GTF2H5: variants seen among roughly 807,000 people sequenced by gnomAD.
GTF2H5 encodes the protein TFB5 ortholog.
In GTF2H5, 5 loss-of-function variants were observed where a neutral mutation model predicts 7.1. The ratio of observed to expected loss-of-function variants is 0.71; its 90% CI spans 0.37 to 1.49. The LOEUF (loss-of-function observed/expected upper bound fraction) is 1.49, where lower values mean the gene tolerates loss of function less well. Ranked by LOEUF, GTF2H5 falls within the 40% of genes most tolerant of loss-of-function variation. The pLI, the probability that GTF2H5 is intolerant of heterozygous loss-of-function variation, is 0.03. For synonymous variants in GTF2H5, 30 were observed against 31.7 expected, an observed-to-expected ratio of 0.95 and a Z score of 0.18; for missense variants, 80 against 83.0, an observed-to-expected ratio of 0.96 and a Z score of 0.14.
chr6:158,199,168 GC>G lies in GTF2H5; in HGVS notation c.*7012del, dbSNP rs1777156439. ...CTGCTCCCAACATGATTTAATCTTG[GC>G]TACTGAGCTTTTGGTTACGTTGCAC... On this transcript the variant is annotated 3_prime_UTR_variant, in exon 3 of 3. Coordinates refer to ENST00000607778, the MANE Select transcript of GTF2H5 (RefSeq NM_207118.3). 1 of 151,666 alleles carries G rather than the reference GC, an allele frequency of 6.6e-6. No homozygotes were observed. Among genetic ancestry groups the G allele is most frequent in the South Asian group, 2.1e-4 (1 of 4,808 alleles). The allele number at this position is 151,666 out of a possible 1,614,324, so 9.4% of individuals were successfully genotyped here. A position where few individuals can be genotyped will look rare whatever the true frequency, so the allele number is the denominator to read the frequency against.
intron 2 of GTF2H5, among the ~76,000 whole-genome samples, chr6:158,183,665 G>A (rs6919700): frequency 0.39 from 59,525 of 152,066 alleles, 11,818 homozygotes; most frequent in Middle Eastern, 0.49. Flanking sequence ...CAGACGCTGC[G>A]CTAGCAGCAA....
At position 158,170,458 on chromosome 6, in the gene GTF2H5, T is replaced by G. The variant is rs369872941; in HGVS notation, c.-34-12T>G. 68 of 1,496,434 alleles carry G rather than the reference T, an allele frequency of 4.5e-5. No homozygotes were observed. The highest frequency in any genetic ancestry group is 1.2e-4 in the Admixed American group (7 of 59,848). 92.7% of individuals were successfully genotyped at this position (1,496,434 alleles called of 1,614,324 possible). On this transcript the variant is annotated splice_polypyrimidine_tract_variant and intron_variant, in intron 1 of 2. Transcript: ENST00000607778. ...GATTTTTAATTTAATGTTACCTTAC[T>G]CTTTTTATTAGCATTCTTCAGGTCA...
intron 2 of GTF2H5, among the ~76,000 whole-genome samples, chr6:158,172,829 G>A (rs919201075): frequency 6.6e-6 from 1 of 151,986 alleles, no homozygotes; most frequent in Non-Finnish European, 1.5e-5. Context: ...ATATTGGTTG[G>A]AATTGCATTA....
chr6:158,169,777 A>G (rs866790148), intron 1 of GTF2H5, among the ~76,000 whole-genome samples: 1 of 110,910 alleles, frequency 9.0e-6, no homozygotes, highest in Non-Finnish European at 1.7e-5. Flanking sequence ...TATATAATAT[A>G]TTGTATATTA....
intron 2 of GTF2H5, among the ~76,000 whole-genome samples, chr6:158,170,950 A>G (rs1785846631): frequency 6.6e-6 from 1 of 152,218 alleles, no homozygotes; most frequent in Non-Finnish European, 1.5e-5. Flanking sequence ...GAAACTAAAA[A>G]CCATAAATGG....
At chr6:158,169,502 A>AATATACAG (rs1562468415) in intron 1 of GTF2H5, among the ~76,000 whole-genome samples, 7 of 62,744 alleles carry the variant, frequency 1.1e-4, no homozygotes, top group African/African-American at 4.6e-4. Flanking sequence ...ATATTATATA[A>AATATACAG]TATATTGTAT....
chr6:158,185,138 T>G (rs372420196), intron 2 of GTF2H5, among the ~76,000 whole-genome samples: 18,463 of 150,950 alleles, frequency 0.12, 1,265 homozygotes, highest in Middle Eastern at 0.16. Flanking sequence ...TCCCTTAAAC[T>G]TTGAGTGTCT....
Position 158,194,272 on chromosome 6 carries a change from G to A in GTF2H5, c.*2115G>A, listed in dbSNP as rs1027774177. ...GCAAGTTAGAGGAACGCCACACTTT[G>A]AGACGAATTTAAAAGTCCTTTATTT... On this transcript the variant is annotated 3_prime_UTR_variant, in exon 3 of 3. Coordinates refer to ENST00000607778, the MANE Select transcript of GTF2H5 (RefSeq NM_207118.3). The A allele has an allele frequency of 2.6e-5, 4 of 152,174 alleles. No individual in the cohort carries two copies. 9.4% of individuals were successfully genotyped at this position (152,174 alleles called of 1,614,324 possible). A position where few individuals can be genotyped will look rare whatever the true frequency, so the allele number is the denominator to read the frequency against.
At chr6:158,169,721 ATATAATATATTGTATATTATATAT>A (rs1785801101) in intron 1 of GTF2H5, among the ~76,000 whole-genome samples, 1 of 76,176 alleles carries the variant, frequency 1.3e-5, no homozygotes, top group Non-Finnish European at 2.4e-5. Flanking sequence ...ATTATATATT[ATATAATATATTGTATATTATATAT>A]TATATAATAT....
At chr6:158,178,703 C>T (rs528888696) in intron 2 of GTF2H5, among the ~76,000 whole-genome samples, 21 of 152,000 alleles carry the variant, frequency 1.4e-4, no homozygotes, top group African/African-American at 4.8e-4. Flanking sequence ...GGGTTGTTTG[C>T]TTTTTTCTTG....
Position 158,192,436 on chromosome 6 carries a change from A to G in GTF2H5, c.*279A>G, listed in dbSNP as rs544929176. 192 of 395,594 alleles carry G rather than the reference A, an allele frequency of 4.9e-4. 1 individual carries two copies. Among genetic ancestry groups the G allele is most frequent in the South Asian group, 4.4e-3 (188 of 42,434 alleles). 24.5% of individuals were successfully genotyped at this position (395,594 alleles called of 1,614,324 possible). On this transcript the variant is annotated 3_prime_UTR_variant, in exon 3 of 3. Transcript: ENST00000607778. ...TCAATGCTTTTCCTGCCTTTTTAAT[A>G]CCATGTCAGTGTAACATAGGTATTT...
At chr6:158,188,653 TACTC>T (rs71756385) in intron 2 of GTF2H5, among the ~76,000 whole-genome samples, 9,183 of 152,222 alleles carry the variant, frequency 0.06, 925 homozygotes, top group African/African-American at 0.21. Flanking sequence ...TTCTGTATAA[TACTC>T]AAATTAGAGA....
chr6:158,182,164 G>A lies in GTF2H5; in HGVS notation c.36-9813G>A, dbSNP rs903735607. 3.3e-5 allele frequency among the ~76,000 whole-genome samples: 5 copies of A among 152,290 alleles called. No homozygotes were observed. In the East Asian group the frequency reaches 5.8e-4, roughly 18 times the overall value. The stretch of plus-strand genomic sequence containing the variant: ...AGTTTGGCTGGATATGAAATTCTGG[G>A]TTGAAAATTCTTTTCTTTAAGAATA... On this transcript the variant is annotated intron_variant, in intron 2 of 2. Coordinates refer to ENST00000607778, the MANE Select transcript of GTF2H5 (RefSeq NM_207118.3).
At chr6:158,173,814 A>C (rs1785891434) in intron 2 of GTF2H5, among the ~76,000 whole-genome samples, 2 of 152,190 alleles carry the variant, frequency 1.3e-5, no homozygotes, top group South Asian at 4.1e-4. Context: ...GGTGGGAAGC[A>C]GGCGGGCCTG....
rs1183902015 is a variant in GTF2H5, at chr6:158,192,238, AG to A, written c.*82del. The A allele has an allele frequency of 9.2e-7, 1 of 1,090,316 alleles. No individual in the cohort carries two copies. The highest frequency in any genetic ancestry group is 1.5e-5 in the African/African-American group (1 of 64,724). The allele number at this position is 1,090,316 out of a possible 1,614,324, so 67.5% of individuals were successfully genotyped here. On this transcript the variant is annotated 3_prime_UTR_variant, in exon 3 of 3. Coordinates refer to ENST00000607778, the MANE Select transcript of GTF2H5 (RefSeq NM_207118.3). ...CACTCAATATCTTAGGTGACTGATT[AG>A]ACATAGAGGGTTGTTTTAGGAGCAT...
In GTF2H5 at chr6:158,197,850, A is replaced by G. The variant is rs1472078350; in HGVS notation, c.*5693A>G. ...TTCCCAATCTTAAAAAAATCCCTGA[A>G]GGGCACCTGTTTTTCTTCAGCTAAT... On this transcript the variant is annotated 3_prime_UTR_variant, in exon 3 of 3. Coordinates refer to ENST00000607778, the MANE Select transcript of GTF2H5 (RefSeq NM_207118.3). 1 of 152,142 alleles carries G rather than the reference A, an allele frequency of 6.6e-6. No homozygotes were observed. Among genetic ancestry groups the G allele is most frequent in the African/African-American group, 2.4e-5 (1 of 41,430 alleles). 9.4% of individuals were successfully genotyped at this position (152,142 alleles called of 1,614,324 possible).
chr6:158,171,787 A>G (rs375140837), intron 2 of GTF2H5, among the ~76,000 whole-genome samples: 2 of 152,132 alleles, frequency 1.3e-5, no homozygotes, highest in Non-Finnish European at 2.9e-5. Context: ...GGTTCTTGCT[A>G]TTTTTATTTT....
At chr6:158,187,184 C>T (rs1037998153) in intron 2 of GTF2H5, among the ~76,000 whole-genome samples, 1 of 151,572 alleles carries the variant, frequency 6.6e-6, no homozygotes, top group African/African-American at 2.4e-5. Context: ...TTTGTAGAGA[C>T]GGGGTTTCAT....
Position 158,196,405 on chromosome 6 carries a change from A to G in GTF2H5, c.*4248A>G, listed in dbSNP as rs1207738892. ...TCGTTGATTGGATTTCTTTGTGCTC[A>G]TTTGTGTAAACAGGAATGCCCGTCT... is the stretch of plus-strand genomic sequence containing the variant. On this transcript the variant is annotated 3_prime_UTR_variant, in exon 3 of 3. Coordinates refer to ENST00000607778, the MANE Select transcript of GTF2H5 (RefSeq NM_207118.3). 2 of 152,204 alleles carry G rather than the reference A, an allele frequency of 1.3e-5. No individual in the cohort carries two copies. Among genetic ancestry groups the G allele is most frequent in the South Asian group, 4.1e-4 (2 of 4,832 alleles). 9.4% of individuals were successfully genotyped at this position (152,204 alleles called of 1,614,324 possible). A position where few individuals can be genotyped will look rare whatever the true frequency, so the allele number is the denominator to read the frequency against.
Sources: gnomAD v4.1 joint callset for allele counts (sites outside exome capture counted in the v4.1 genomes callset) on GRCh38, gnomAD v4.1.1 for gene constraint, MANE v1.5 for transcripts, NCBI Gene and HGNC (gene_info 2026-07-23, HGNC 2026-07-21) for gene names.